The following PCLO variants were observed in gnomAD, a reference collection of about 807,000 sequenced individuals.
The protein encoded by PCLO is piccolo presynaptic cytomatrix protein.
In PCLO, 82 loss-of-function variants were observed where a neutral mutation model predicts 427.5. That is an observed-to-expected ratio of 0.19 (90% confidence interval 0.16 to 0.23). The LOEUF (loss-of-function observed/expected upper bound fraction) is 0.23. Among genes scored for constraint, PCLO ranks in the 10% least tolerant of loss-of-function variants. PCLO has a pLI of 1.00. For synonymous variants in PCLO, 2,357 were observed against 2,155.4 expected, an observed-to-expected ratio of 1.09 and a Z score of -2.59; for missense variants, 6,239 against 6,115.9, an observed-to-expected ratio of 1.02 and a Z score of -0.67.
intron 3 of PCLO, among the ~76,000 whole-genome samples, chr7:83,016,814 G>A (rs1484262721): frequency 6.6e-6 from 1 of 152,144 alleles, no homozygotes; most frequent in Non-Finnish European, 1.5e-5. Flanking sequence ...AAGTATGCTA[G>A]ATATTGGGAG....
chr7:83,058,508 G>A (rs1789458725), intron 3 of PCLO, among the ~76,000 whole-genome samples: 1 of 152,056 alleles, frequency 6.6e-6, no homozygotes, highest in South Asian at 2.1e-4. Context: ...TCTATAAATT[G>A]TTATGCAATA....
chr7:82,769,960 C>T (rs534496062), intron 22 of PCLO, among the ~76,000 whole-genome samples: 152 of 152,212 alleles, frequency 1.0e-3, no homozygotes, highest in African/African-American at 2.2e-3. Context: ...AAATCTTCTG[C>T]TCTAAATAAT....
At chr7:82,811,448 G>A (rs1791568463) in intron 20 of PCLO, among the ~76,000 whole-genome samples, 2 of 151,224 alleles carry the variant, frequency 1.3e-5, no homozygotes, top group East Asian at 1.9e-4. Context: ...TTTTACTAAA[G>A]GGATTTTGCA....
chr7:83,102,348 C>T (rs1358136930), intron 3 of PCLO, among the ~76,000 whole-genome samples: 1 of 151,926 alleles, frequency 6.6e-6, no homozygotes, highest in Non-Finnish European at 1.5e-5. Flanking sequence ...AAACCATCCA[C>T]CTAACAACCC....
intron 10 of PCLO, among the ~76,000 whole-genome samples, chr7:82,876,286 C>T (rs1451392238): frequency 6.6e-6 from 1 of 151,544 alleles, no homozygotes; most frequent in African/African-American, 2.4e-5. Flanking sequence ...GAAAAAAAAC[C>T]TCCAGTGATA....
Position 82,760,764 on chromosome 7 carries a change from CAT to C in PCLO, c.15161_15162del (p.Tyr5054CysfsTer21). ...TTTTTTTGGGTAGAAATATTCATCA[CAT>C]ATATTTTCACATATAAATCTGAAAA... ...DHLPDLYVKIYVMNISTQKKV... is the reference protein window; with the variant it reads ...DHLPDLYVKIXVMNISTQKKV... On this transcript the variant is annotated frameshift_variant, in exon 24 of 25. Coordinates refer to ENST00000333891, the MANE Select transcript of PCLO (RefSeq NM_033026.6). LOFTEE classifies it high-confidence loss of function. The C allele has an allele frequency of 6.8e-7, 1 of 1,467,242 alleles. No individual in the cohort carries two copies. The highest frequency in any genetic ancestry group is 9.4e-7 in the Non-Finnish European group (1 of 1,059,570). The allele number at this position is 1,467,242 out of a possible 1,614,324, so 90.9% of individuals were successfully genotyped here.
chr7:82,911,410 A>T (rs1794317041), intron 7 of PCLO, among the ~76,000 whole-genome samples: 1 of 152,080 alleles, frequency 6.6e-6, no homozygotes, highest in Non-Finnish European at 1.5e-5. Flanking sequence ...ATTCTGAATT[A>T]GTTCAAATCG....
At chr7:82,903,692 T>C (rs1454818041) in intron 8 of PCLO, among the ~76,000 whole-genome samples, 1 of 151,966 alleles carries the variant, frequency 6.6e-6, no homozygotes, top group African/African-American at 2.4e-5. Context: ...TTTGTATGTA[T>C]TGTCATAGGA....
intron 2 of PCLO, among the ~76,000 whole-genome samples, chr7:83,145,629 A>G (rs2116652176): frequency 6.6e-6 from 1 of 152,316 alleles, no homozygotes; most frequent in African/African-American, 2.4e-5. Context: ...TGGAGTCAAT[A>G]ATGATGGTGC....
chr7:82,993,717 T>A (rs1796432492), intron 3 of PCLO, among the ~76,000 whole-genome samples: 1 of 152,092 alleles, frequency 6.6e-6, no homozygotes, highest in Non-Finnish European at 1.5e-5. Context: ...TGTGACTCAC[T>A]GTTTTGCAAT....
chr7:83,099,843 G>A (rs1215060099), intron 3 of PCLO, among the ~76,000 whole-genome samples: 1 of 117,702 alleles, frequency 8.5e-6, no homozygotes, highest in African/African-American at 3.2e-5. Flanking sequence ...TTCTTCTGCT[G>A]CTGTTGTCGT....
chr7:82,902,604 CAA>C (rs1794072416), intron 9 of PCLO, 45 bp downstream of exon 9: 1 of 1,124,516 alleles, frequency 8.9e-7, no homozygotes, highest in African/African-American at 1.6e-5. Flanking sequence ...CAAAACAAAA[CAA>C]AACAAAAAAA....
intron 10 of PCLO, among the ~76,000 whole-genome samples, chr7:82,852,438 C>T (rs1216694041): frequency 2.0e-5 from 3 of 152,128 alleles, no homozygotes; most frequent in Non-Finnish European, 4.4e-5. Context: ...AAAGAGCCGA[C>T]CTGCTGAGTC....
At chr7:83,077,920 AC>A (rs1298117565) in intron 3 of PCLO, among the ~76,000 whole-genome samples, 1 of 152,120 alleles carries the variant, frequency 6.6e-6, no homozygotes, top group Non-Finnish European at 1.5e-5. Flanking sequence ...AATGGGAAAT[AC>A]CCAAATCCTC....
In PCLO at chr7:82,757,073, C is replaced by T. The variant is rs1319486186; in HGVS notation, c.*1502G>A. ...TCATTGATTTATCATCACAACATCT[C>T]ATTTGGAAGGTTAAGAATATATAAT... On this transcript the variant is annotated 3_prime_UTR_variant, in exon 25 of 25. Coordinates refer to ENST00000333891, the MANE Select transcript of PCLO (RefSeq NM_033026.6). 1 of 152,030 alleles carries T rather than the reference C, an allele frequency of 6.6e-6. No individual in the cohort carries two copies. The highest frequency in any genetic ancestry group is 1.5e-5 in the Non-Finnish European group (1 of 67,978). The allele number at this position is 152,030 out of a possible 1,614,324, so 9.4% of individuals were successfully genotyped here. A position where few individuals can be genotyped will look rare whatever the true frequency, so the allele number is the denominator to read the frequency against.
In PCLO at chr7:82,758,396, G is replaced by C. The variant is rs181160645; in HGVS notation, c.*179C>G. On this transcript the variant is annotated 3_prime_UTR_variant, in exon 25 of 25. Transcript: ENST00000333891. ...TGTTTTCAGTATGTGAACTTTTTCA[G>C]TTGAATATCTTTGTGTGATCCACAA... The C allele has an allele frequency of 6.3e-4, 310 of 492,322 alleles. No homozygotes were observed. The highest frequency in any genetic ancestry group is 5.4e-3 in the African/African-American group (272 of 50,758). 30.5% of individuals were successfully genotyped at this position (492,322 alleles called of 1,614,324 possible). A position where few individuals can be genotyped will look rare whatever the true frequency, so the allele number is the denominator to read the frequency against.
At position 82,952,424 on chromosome 7, in the gene PCLO, G is replaced by T; in HGVS notation, c.8529C>A (p.Val2843=). ...GTGCTTCTTCCCTAGCTATAGGAAAGACCTGGTCACTTGGTATCCTGTATG... is the reference window on the plus strand; with the variant it reads ...GTGCTTCTTCCCTAGCTATAGGAAATACCTGGTCACTTGGTATCCTGTATG... ...EPPYRIPSDQ[V]FPIAREEAPI... Residue 2843 remains valine, a synonymous_variant, in exon 5 of 25, where the codon GTC becomes GTA. Coordinates refer to ENST00000333891, the MANE Select transcript of PCLO (RefSeq NM_033026.6). The T allele has an allele frequency of 1.2e-6, 2 of 1,613,916 alleles. No homozygotes were observed. The highest frequency in any genetic ancestry group is 1.7e-4 in the Middle Eastern group (1 of 6,058).
intron 6 of PCLO, among the ~76,000 whole-genome samples, chr7:82,937,375 C>A (rs575182078): frequency 6.6e-6 from 1 of 150,454 alleles, no homozygotes; most frequent in African/African-American, 2.4e-5. Flanking sequence ...TGTTGTGCCT[C>A]ACTTTGTATA....
intron 16 of PCLO, among the ~76,000 whole-genome samples, chr7:82,832,628 G>A (rs1310043079): frequency 1.3e-5 from 2 of 151,910 alleles, no homozygotes; most frequent in East Asian, 1.9e-4. Flanking sequence ...TTCTACTCAA[G>A]ACCAGCAGGA....
Sources: gnomAD v4.1 joint callset for allele counts (sites outside exome capture counted in the v4.1 genomes callset) on GRCh38, gnomAD v4.1.1 for gene constraint, MANE v1.5 for transcripts, NCBI Gene and HGNC (gene_info 2026-07-23, HGNC 2026-07-21) for gene names.